SCUBE1: variants seen among roughly 807,000 people sequenced by gnomAD.
SCUBE1 encodes signal peptide, CUB domain and EGF like domain containing 1.
SCUBE1 carries 59 observed loss-of-function variants against 124.4 expected under a neutral mutation model. The ratio of observed to expected loss-of-function variants is 0.47; its 90% CI spans 0.38 to 0.59. The LOEUF (loss-of-function observed/expected upper bound fraction) is 0.59, where lower values mean the gene tolerates loss of function less well. Ranked by LOEUF, SCUBE1 falls within the 20% of genes least tolerant of loss-of-function variation. The pLI is 0.00. For synonymous variants in SCUBE1, 545 were observed against 550.9 expected, an observed-to-expected ratio of 0.99 and a Z score of 0.15; for missense variants, 1,150 against 1,371.2, an observed-to-expected ratio of 0.84 and a Z score of 2.55.
At chr22:43,241,637 G>A (rs568941283) in intron 6 of SCUBE1, among the ~76,000 whole-genome samples, 3 of 152,046 alleles carry the variant, frequency 2.0e-5, no homozygotes, top group Non-Finnish European at 4.4e-5. Flanking sequence ...CGAAGACGAG[G>A]AGCCCCCTCC....
chr22:43,299,048 T>C (rs1428913904), intron 3 of SCUBE1, among the ~76,000 whole-genome samples: 1 of 90,698 alleles, frequency 1.1e-5, no homozygotes, highest in Non-Finnish European at 2.7e-5. Flanking sequence ...CGAGACTCCG[T>C]CTCAAAAAAA....
chr22:43,218,437 A>G lies in SCUBE1; in HGVS notation c.1709T>C (p.Leu570Ser), dbSNP rs146442722. ...CAGGCTCTGTTCTGCTCGCTTCCGC[A>G]AGCAGTCCGCTTCGCATGTGTCTGC... ...EASDTCEADCLRKRAEQSLQA... is the reference protein window; with the variant it reads ...EASDTCEADCSRKRAEQSLQA... Residue 570 changes from leucine (L) to serine (S), a missense_variant, in exon 15 of 22, where the codon TTG becomes TCG. By Grantham distance (145) the Leu-to-Ser change is moderately radical. Coordinates refer to ENST00000360835, the MANE Select transcript of SCUBE1 (RefSeq NM_173050.5). 502 of 1,612,432 alleles carry G rather than the reference A, an allele frequency of 3.1e-4. 1 individual carries two copies. Among genetic ancestry groups the G allele is most frequent in the Non-Finnish European group, 3.7e-4 (431 of 1,180,018 alleles).
rs1225151247 is a variant in SCUBE1 at position 43,200,737 on chromosome 22, C to G, written c.*3260G>C. On this transcript the variant is annotated 3_prime_UTR_variant, in exon 22 of 22. Transcript: ENST00000360835. ...TGGGGCTGCTGGCGACCTCGCGCTC[C>G]TCATGGCCTCTCCCGTGGGCTGGGA... 3.3e-5 allele frequency: 5 copies of G among 152,286 alleles called. No individual in the cohort carries two copies. The highest frequency in any genetic ancestry group is 7.3e-5 in the Non-Finnish European group (5 of 68,086). 9.4% of individuals were successfully genotyped at this position (152,286 alleles called of 1,614,324 possible).
intron 17 of SCUBE1, 36 bp downstream of exon 17, chr22:43,212,389 C>T (rs1298159873): frequency 1.4e-5 from 21 of 1,513,138 alleles, no homozygotes; most frequent in South Asian, 2.4e-5. Context: ...CCCTGCCTCT[C>T]GGGGTGGGCG....
intron 4 of SCUBE1, among the ~76,000 whole-genome samples, chr22:43,264,708 C>T (rs1401970142): frequency 6.6e-6 from 1 of 152,248 alleles, no homozygotes; most frequent in Non-Finnish European, 1.5e-5. Context: ...CCAGCTTCTT[C>T]ACAGCTGTAC....
At chr22:43,268,515 A>G (rs1002781938) in intron 4 of SCUBE1, among the ~76,000 whole-genome samples, 5 of 152,226 alleles carry the variant, frequency 3.3e-5, no homozygotes, top group Non-Finnish European at 5.9e-5. Flanking sequence ...ACTCAGACCA[A>G]GTGTCTCCTT....
chr22:43,324,606 G>T (rs1176235493), intron 2 of SCUBE1, among the ~76,000 whole-genome samples: 1 of 152,026 alleles, frequency 6.6e-6, no homozygotes. Flanking sequence ...AAACAAACCA[G>T]CTAAAAAAAT....
chr22:43,213,128 G>A (rs1921643595), intron 16 of SCUBE1: 1 of 157,612 alleles, frequency 6.3e-6, no homozygotes, highest in Non-Finnish European at 1.4e-5. Context: ...TCAGCTCCGA[G>A]TAAAGAATGT....
intron 3 of SCUBE1, 59 bp downstream of exon 3, chr22:43,319,878 C>A: frequency 6.3e-7 from 1 of 1,593,086 alleles, no homozygotes; most frequent in Non-Finnish European, 8.6e-7. Context: ...ACTCTGTAAG[C>A]TGGAGCAAAG....
intron 3 of SCUBE1, among the ~76,000 whole-genome samples, chr22:43,299,869 G>C (rs541934501): frequency 2.6e-5 from 4 of 152,286 alleles, no homozygotes; most frequent in East Asian, 1.9e-4. Flanking sequence ...CATGTAAAGA[G>C]AGTCATGCGA....
chr22:43,288,708 G>A (rs9623803), intron 4 of SCUBE1, among the ~76,000 whole-genome samples: 1 of 152,228 alleles, frequency 6.6e-6, no homozygotes, highest in Admixed American at 6.5e-5. Context: ...GGGCCCCATA[G>A]CTAGCGTGCC....
At chr22:43,268,171 C>G (rs893939978) in intron 4 of SCUBE1, among the ~76,000 whole-genome samples, 2 of 152,240 alleles carry the variant, frequency 1.3e-5, no homozygotes, top group African/African-American at 2.4e-5. Flanking sequence ...TCAGGCCCAA[C>G]CCCAAGCCCC....
At position 43,343,211 on chromosome 22, in the gene SCUBE1, GC is replaced by G. The variant is rs1381873577; in HGVS notation, c.50del (p.Gly17AlafsTer148). The G allele has an allele frequency of 3.3e-6, 4 of 1,214,478 alleles. No individual in the cohort carries two copies. The highest frequency in any genetic ancestry group is 3.7e-5 in the Admixed American group (1 of 27,388). The allele number at this position is 1,214,478 out of a possible 1,614,324, so 75.2% of individuals were successfully genotyped here. A position where few individuals can be genotyped will look rare whatever the true frequency, so the allele number is the denominator to read the frequency against. ...RWHLCVLLAL[G>X]TRGRLAGGSG... ...TGCCCCCGGCCAGCCGCCCGCGTGT[GC>G]CCAGGGCCAGCAGCACGCACAAGTG... On this transcript the variant is annotated frameshift_variant, in exon 1 of 22. Coordinates refer to ENST00000360835, the MANE Select transcript of SCUBE1 (RefSeq NM_173050.5). LOFTEE classifies it high-confidence loss of function.
At chr22:43,335,642 C>T in intron 2 of SCUBE1, among the ~76,000 whole-genome samples, 1 of 152,190 alleles carries the variant, frequency 6.6e-6, no homozygotes, top group East Asian at 1.9e-4. Flanking sequence ...CCATAACTAT[C>T]ACCTCCCAGG....
At chr22:43,276,968 C>G (rs1330174127) in intron 4 of SCUBE1, among the ~76,000 whole-genome samples, 1 of 152,204 alleles carries the variant, frequency 6.6e-6, no homozygotes, top group South Asian at 2.1e-4. Flanking sequence ...AGGCTGGACA[C>G]TGGGGGGCCA....
intron 3 of SCUBE1, among the ~76,000 whole-genome samples, chr22:43,304,348 C>A (rs1211065112): frequency 6.6e-6 from 1 of 152,220 alleles, no homozygotes; most frequent in African/African-American, 2.4e-5. Flanking sequence ...CATGGGTAAA[C>A]AGGGAAAGAC....
chr22:43,274,300 G>C (rs1285654905), intron 4 of SCUBE1, among the ~76,000 whole-genome samples: 1 of 152,162 alleles, frequency 6.6e-6, no homozygotes, highest in Non-Finnish European at 1.5e-5. Flanking sequence ...TACTTCCTGA[G>C]TATAAGTATG....
At chr22:43,225,495 G>A (rs959673353) in intron 10 of SCUBE1, among the ~76,000 whole-genome samples, 10 of 151,596 alleles carry the variant, frequency 6.6e-5, no homozygotes, top group South Asian at 4.2e-4. Context: ...CAGTAGAAGC[G>A]GCCGGGCTCG....
chr22:43,222,066 A>AAATAAT (rs534666009), intron 12 of SCUBE1, among the ~76,000 whole-genome samples: 4 of 152,024 alleles, frequency 2.6e-5, no homozygotes, highest in Non-Finnish European at 5.9e-5. Context: ...TCCGTTTTAA[A>AAATAAT]AATAATAATA....
Sources: allele counts gnomAD v4.1 joint callset (sites outside exome capture counted in the v4.1 genomes callset), GRCh38; gene constraint gnomAD v4.1.1; transcripts MANE v1.5; gene names NCBI Gene and HGNC (gene_info 2026-07-23, HGNC 2026-07-21).